Variants in PEAK1 observed in about 807,000 individuals in gnomAD.
PEAK1 encodes the protein pseudopodium enriched atypical kinase 1.
Under a neutral mutation model 124.7 loss-of-function variants are expected in PEAK1, and 54 were observed. The observed-to-expected ratio is 0.43, with a 90% confidence interval of 0.35 to 0.54. The LOEUF (loss-of-function observed/expected upper bound fraction) is 0.54, where lower values mean the gene tolerates loss of function less well. Among genes scored for constraint, PEAK1 ranks in the 20% least tolerant of loss-of-function variants. The probability of loss-of-function intolerance (pLI) is 0.01; values close to 1 mark genes in which losing one functional copy is unlikely to be tolerated. For missense variants in PEAK1, 2,046 were observed against 2,134.5 expected, an observed-to-expected ratio of 0.96 and a Z score of 0.82; for synonymous variants, 719 against 760.0, an observed-to-expected ratio of 0.95 and a Z score of 0.89.
intron 2 of PEAK1, among the ~76,000 whole-genome samples, chr15:77,308,550 C>A (rs908358484): frequency 2.6e-5 from 4 of 151,986 alleles, no homozygotes; most frequent in Admixed American, 2.0e-4. Flanking sequence ...ATTACAAGTT[C>A]TATTAGGAGG....
chr15:77,119,162 A>C (rs1338172525), intron 9 of PEAK1, among the ~76,000 whole-genome samples: 1 of 149,392 alleles, frequency 6.7e-6, no homozygotes, highest in Non-Finnish European at 1.5e-5. Flanking sequence ...CCTCGTGTGA[A>C]GAGCACAGAC....
At chr15:77,277,472 G>A (rs977237050) in intron 5 of PEAK1, among the ~76,000 whole-genome samples, 1 of 152,078 alleles carries the variant, frequency 6.6e-6, no homozygotes, top group African/African-American at 2.4e-5. Context: ...TCAATGTACT[G>A]GTTTTAATAT....
intron 2 of PEAK1, among the ~76,000 whole-genome samples, chr15:77,301,633 T>C (rs118123719): frequency 1.3e-3 from 193 of 152,322 alleles, no homozygotes; most frequent in Admixed American, 2.2e-3. Context: ...CATCATATCA[T>C]ATCAAGGATA....
At chr15:77,369,920 T>A (rs1417862367) in intron 1 of PEAK1, among the ~76,000 whole-genome samples, 1 of 152,070 alleles carries the variant, frequency 6.6e-6, no homozygotes, top group African/African-American at 2.4e-5. Context: ...AGTGAAGTAA[T>A]CTGGGAATTA....
At chr15:77,209,114 C>G (rs973646674) in intron 6 of PEAK1, among the ~76,000 whole-genome samples, 3 of 152,038 alleles carry the variant, frequency 2.0e-5, no homozygotes, top group Non-Finnish European at 4.4e-5. Flanking sequence ...GAAAAAAGTT[C>G]TATACAAAGA....
chr15:77,231,628 C>T (rs2059913426), intron 6 of PEAK1, among the ~76,000 whole-genome samples: 1 of 152,046 alleles, frequency 6.6e-6, no homozygotes, highest in Non-Finnish European at 1.5e-5. Flanking sequence ...ATTTTCTTTT[C>T]AGATATGGTC....
At chr15:77,128,143 A>G (rs2052551313) in intron 9 of PEAK1, among the ~76,000 whole-genome samples, 1 of 152,046 alleles carries the variant, frequency 6.6e-6, no homozygotes, top group Non-Finnish European at 1.5e-5. Context: ...CTAAACAACT[A>G]TTTGATACAG....
At chr15:77,375,721 C>T (rs958900905) in intron 1 of PEAK1, among the ~76,000 whole-genome samples, 8 of 152,120 alleles carry the variant, frequency 5.3e-5, no homozygotes, top group Admixed American at 2.0e-4. Flanking sequence ...ATAGGCCAGG[C>T]GCGGTGGCTC....
At chr15:77,335,071 T>C in intron 2 of PEAK1, 1 of 985,330 alleles carries the variant, frequency 1.0e-6, no homozygotes, top group Non-Finnish European at 1.2e-6. Context: ...TCTAGGGAGG[T>C]GCTATAAGCA....
intron 1 of PEAK1, among the ~76,000 whole-genome samples, chr15:77,395,386 G>C (rs2070798321): frequency 6.6e-6 from 1 of 152,136 alleles, no homozygotes; most frequent in South Asian, 2.1e-4. Flanking sequence ...GGGATAGAAA[G>C]TTTATTCAAA....
chr15:77,347,295 G>A lies in PEAK1; in HGVS notation c.-603+17868C>T, dbSNP rs1295064363. 21 of 984,838 alleles carry A rather than the reference G, an allele frequency of 2.1e-5. No individual in the cohort carries two copies. The South Asian group carries it at 8.9e-4, about 42-fold the overall frequency. 61.0% of individuals were successfully genotyped at this position (984,838 alleles called of 1,614,324 possible). On this transcript the variant is annotated intron_variant, in intron 2 of 9. Coordinates refer to ENST00000682557, the MANE Select transcript of PEAK1 (RefSeq NM_001385026.1). ...GAACTATTCATGGAAATTCACTTTT[G>A]GACTAGTAATGACCACCAGGAAACC...
Position 77,314,295 on chromosome 15 carries a change from G to GA in PEAK1, c.-602-27792dup, listed in dbSNP as rs905797831. Among the ~76,000 whole-genome samples the GA allele has an allele frequency of 1.0e-3, 149 of 143,224 alleles. 1 individual carries two copies. Among genetic ancestry groups the GA allele is most frequent in the Middle Eastern group, 3.7e-3 (1 of 272 alleles). 94.0% of individuals were successfully genotyped at this position (143,224 alleles called of 152,430 possible). ...CAATGAAAAAAGTAAAACCTGATAC[G>GA]AAAAAAAAAAAATTCAGTTAACCTA... On this transcript the variant is annotated intron_variant, in intron 2 of 9. Transcript: ENST00000682557.
At chr15:77,289,475 CAG>C (rs2063102392) in intron 2 of PEAK1, among the ~76,000 whole-genome samples, 1 of 152,168 alleles carries the variant, frequency 6.6e-6, no homozygotes, top group African/African-American at 2.4e-5. Flanking sequence ...GTTAAATTCA[CAG>C]AGGATTTCAA....
In PEAK1 at chr15:77,330,045, C is replaced by T. The variant is rs149111568; in HGVS notation, c.-603+35118G>A. On this transcript the variant is annotated intron_variant, in intron 2 of 9. Transcript: ENST00000682557. ...AAAAATTCTTAAAATTTTAAATGCA[C>T]ATAATACTCTGAAATCAAGAAAAAA... Among the ~76,000 whole-genome samples, 4 of 151,976 alleles carry T rather than the reference C, an allele frequency of 2.6e-5. No individual in the cohort carries two copies. In the East Asian group the frequency reaches 7.7e-4, roughly 29 times the overall value.
At chr15:77,246,338 A>G (rs1374904417) in intron 6 of PEAK1, among the ~76,000 whole-genome samples, 1 of 152,060 alleles carries the variant, frequency 6.6e-6, no homozygotes, top group East Asian at 1.9e-4. Flanking sequence ...ATTTTATTCA[A>G]TCTATAGAAC....
intron 8 of PEAK1, among the ~76,000 whole-genome samples, chr15:77,152,841 A>T (rs959302810): frequency 7.1e-4 from 108 of 152,272 alleles, no homozygotes; most frequent in African/African-American, 2.4e-3. Flanking sequence ...GATGAAGCCC[A>T]CTTGATCATG....
At chr15:77,314,327 G>C (rs1343729063) in intron 2 of PEAK1, among the ~76,000 whole-genome samples, 2 of 151,738 alleles carry the variant, frequency 1.3e-5, no homozygotes, top group East Asian at 3.9e-4. Flanking sequence ...CCTATTTTGG[G>C]TCTGTAGGCT....
At chr15:77,118,807 A>C (rs1000412495) in intron 9 of PEAK1, among the ~76,000 whole-genome samples, 1 of 152,248 alleles carries the variant, frequency 6.6e-6, no homozygotes, top group Non-Finnish European at 1.5e-5. Context: ...ATGGTCCTAC[A>C]TCTTCATTAA....
At position 77,225,666 on chromosome 15, in the gene PEAK1, T is replaced by TTTTATA. The variant is rs1555448932; in HGVS notation, c.-115+26700_-115+26701insTATAAA. Among the ~76,000 whole-genome samples the TTTTATA allele has an allele frequency of 4.6e-3, 403 of 87,984 alleles. 2 individuals carry two copies. The highest frequency in any genetic ancestry group is 0.015 in the African/African-American group (383 of 25,446). The allele number at this position is 87,984 out of a possible 152,430, so 57.7% of individuals were successfully genotyped here. A position where few individuals can be genotyped will look rare whatever the true frequency, so the allele number is the denominator to read the frequency against. ...GTGTGTGTGTGTGTGTGTGTATAAT[T>TTTTATA]TATATATATATATATATATATATAT... On this transcript the variant is annotated intron_variant, in intron 6 of 9. Transcript: ENST00000682557.
Sources: allele counts gnomAD v4.1 joint callset (sites outside exome capture counted in the v4.1 genomes callset), GRCh38; gene constraint gnomAD v4.1.1; transcripts MANE v1.5; gene names NCBI Gene and HGNC (gene_info 2026-07-23, HGNC 2026-07-21).